Variants in SLC25A17 observed in about 807,000 individuals in gnomAD.
The protein encoded by SLC25A17 is peroxisomal membrane protein PMP34.
SLC25A17 carries 26 observed loss-of-function variants against 38.5 expected under a neutral mutation model. That is an observed-to-expected ratio of 0.68 (90% CI 0.50 to 0.94). The LOEUF (loss-of-function observed/expected upper bound fraction) is 0.94, where lower values mean the gene tolerates loss of function less well. SLC25A17 is among the 40% of genes least tolerant of loss of function. SLC25A17 has a pLI of 0.00. For synonymous variants in SLC25A17, 139 were observed against 136.2 expected, an observed-to-expected ratio of 1.02 and a Z score of -0.14; for missense variants, 333 against 372.7, an observed-to-expected ratio of 0.89 and a Z score of 0.88.
intron 5 of SLC25A17, among the ~76,000 whole-genome samples, chr22:40,778,621 G>C (rs959458692): frequency 4.6e-5 from 7 of 152,138 alleles, no homozygotes; most frequent in Admixed American, 1.3e-4. Flanking sequence ...ACAACGTGCA[G>C]GTTTGTTACA....
Position 40,774,017 on chromosome 22 carries a change from A to T in SLC25A17, c.696T>A (p.Phe232Leu), listed in dbSNP as rs767538875. 6.3e-5 allele frequency: 101 copies of T among 1,607,764 alleles called. No individual in the cohort carries two copies. Among genetic ancestry groups the T allele is most frequent in the Non-Finnish European group, 8.3e-5 (97 of 1,174,548 alleles). ...PLQTVQSILR[F>L]GRHRLNPENR... ...TTTCTGGGTTTAGTCTATGACGCCC[A>T]AACTGAGGAAAGAGGGAAAAAAAAC... Residue 232 changes from phenylalanine (F) to leucine (L), a missense_variant and splice_region_variant, in exon 8 of 9, where the codon TTT (phenylalanine) becomes TTA (leucine). Physicochemically the swap from Phe to Leu is conservative, Grantham distance 22. Coordinates refer to ENST00000435456, the MANE Select transcript of SLC25A17 (RefSeq NM_006358.4).
intron 7 of SLC25A17, 134 bp downstream of exon 7, chr22:40,776,902 AAAAG>A: frequency 1.3e-6 from 1 of 763,048 alleles, no homozygotes; most frequent in South Asian, 1.8e-5. Context: ...TCAAAAAAAG[AAAAG>A]AAAAAAAACA....
intron 7 of SLC25A17, among the ~76,000 whole-genome samples, chr22:40,774,482 C>T (rs1229789557): frequency 6.6e-6 from 1 of 152,182 alleles, no homozygotes; most frequent in Non-Finnish European, 1.5e-5. Flanking sequence ...CCTCGGCCTC[C>T]CGAAGTTCTG....
At chr22:40,793,125 G>A (rs2145676264) in intron 3 of SLC25A17, among the ~76,000 whole-genome samples, 1 of 151,364 alleles carries the variant, frequency 6.6e-6, no homozygotes, top group Non-Finnish European at 1.5e-5. Flanking sequence ...CAAATCTGGG[G>A]CAATTTGAAT....
intron 4 of SLC25A17, 133 bp downstream of exon 4, chr22:40,792,392 T>TAA (rs971325689): frequency 1.2e-3 from 697 of 576,640 alleles, no homozygotes; most frequent in Non-Finnish European, 1.4e-3. Context: ...TTAACACAAT[T>TAA]AAAAAAAAAA....
intron 1 of SLC25A17, among the ~76,000 whole-genome samples, chr22:40,818,111 A>G (rs753199305): frequency 2.0e-5 from 3 of 152,258 alleles, no homozygotes; most frequent in East Asian, 1.9e-4. Flanking sequence ...AGATTAGTCT[A>G]CAGAGAAGGT....
chr22:40,807,913 T>C (rs2057544238), intron 1 of SLC25A17, among the ~76,000 whole-genome samples: 1 of 152,190 alleles, frequency 6.6e-6, no homozygotes, highest in Admixed American at 6.5e-5. Context: ...TTGTTATATA[T>C]GTGAGTCTTA....
chr22:40,785,955 A>G (rs2057334360), intron 4 of SLC25A17, among the ~76,000 whole-genome samples: 1 of 152,118 alleles, frequency 6.6e-6, no homozygotes, highest in African/African-American at 2.4e-5. Flanking sequence ...TTTTAACATG[A>G]TCACACTGGC....
chr22:40,792,086 G>A (rs576716138), intron 4 of SLC25A17, among the ~76,000 whole-genome samples: 3 of 152,254 alleles, frequency 2.0e-5, no homozygotes, highest in Non-Finnish European at 4.4e-5. Context: ...CATGCTGTAT[G>A]GCATGGATGA....
At chr22:40,779,415 T>A in intron 4 of SLC25A17, 1 of 658,186 alleles carries the variant, frequency 1.5e-6, no homozygotes, top group Non-Finnish European at 2.5e-6. Context: ...TTATATACCA[T>A]TCAAAGTAGC....
chr22:40,781,993 G>A (rs781696283), intron 4 of SLC25A17, among the ~76,000 whole-genome samples: 2 of 152,072 alleles, frequency 1.3e-5, no homozygotes, highest in Admixed American at 6.6e-5. Flanking sequence ...AGGCTGAGGC[G>A]GGTGGATCAC....
intron 2 of SLC25A17, among the ~76,000 whole-genome samples, chr22:40,798,617 C>T (rs900190512): frequency 6.7e-6 from 1 of 148,452 alleles, no homozygotes; most frequent in East Asian, 2.0e-4. Context: ...AACTTGTTCC[C>T]CCTTAACCCT....
intron 2 of SLC25A17, among the ~76,000 whole-genome samples, chr22:40,795,857 G>A (rs890204793): frequency 1.3e-5 from 2 of 151,864 alleles, no homozygotes; most frequent in Non-Finnish European, 2.9e-5. Flanking sequence ...GTGCGGTCTC[G>A]GCTCACTGCA....
At chr22:40,781,444 A>C (rs1191115451) in intron 4 of SLC25A17, among the ~76,000 whole-genome samples, 3 of 152,048 alleles carry the variant, frequency 2.0e-5, no homozygotes, top group African/African-American at 7.2e-5. Flanking sequence ...ACGGGGTTTC[A>C]CCGTGTTAGC....
chr22:40,792,202 C>G lies in SLC25A17; in HGVS notation c.334+323G>C, dbSNP rs902993267. ...CTAAAGTAGTCAAATTCTTAGAAAC[C>G]GAAAGTAGAATGGTGGTTACTAAGG... On this transcript the variant is annotated intron_variant, in intron 4 of 8. Transcript: ENST00000435456. 2.0e-5 allele frequency among the ~76,000 whole-genome samples: 3 copies of G among 151,208 alleles called. No homozygotes were observed. In the East Asian group the frequency reaches 5.8e-4, roughly 29 times the overall value.
intron 1 of SLC25A17, among the ~76,000 whole-genome samples, chr22:40,811,592 TG>T (rs998778902): frequency 6.6e-6 from 1 of 152,172 alleles, no homozygotes; most frequent in Non-Finnish European, 1.5e-5. Context: ...AGCACAGTGC[TG>T]GCATCTGCTT....
intron 1 of SLC25A17, among the ~76,000 whole-genome samples, chr22:40,805,289 G>A (rs142341032): frequency 1.3e-5 from 2 of 152,362 alleles, no homozygotes; most frequent in African/African-American, 4.8e-5. Flanking sequence ...TGAACCAGAG[G>A]TTGCAGTGAG....
At chr22:40,773,587 A>T (rs1054873989) in intron 8 of SLC25A17, among the ~76,000 whole-genome samples, 4 of 152,008 alleles carry the variant, frequency 2.6e-5, no homozygotes, top group Non-Finnish European at 5.9e-5. Context: ...CTTCTCCAGT[A>T]CTCCTATTCT....
At chr22:40,776,181 C>T in intron 7 of SLC25A17, 1 of 332,008 alleles carries the variant, frequency 3.0e-6, no homozygotes, top group South Asian at 2.6e-5. Context: ...ATTTATTTTG[C>T]TTGTTTACCT....
Sources: allele counts gnomAD v4.1 joint callset (sites outside exome capture counted in the v4.1 genomes callset), GRCh38; gene constraint gnomAD v4.1.1; transcripts MANE v1.5; gene names NCBI Gene and HGNC (gene_info 2026-07-23, HGNC 2026-07-21).